Variants in GXYLT2 observed in about 807,000 individuals in gnomAD.
GXYLT2 encodes the protein glucoside xylosyltransferase 2.
Under a neutral mutation model 45.8 loss-of-function variants are expected in GXYLT2, and 53 were observed. The observed-to-expected ratio is 1.16, with a 90% CI of 0.93 to 1.46. The LOEUF (loss-of-function observed/expected upper bound fraction) is 1.46. GXYLT2 is among the 40% of genes most tolerant of loss of function. GXYLT2 has a pLI of 0.00. For synonymous variants in GXYLT2, 219 were observed against 214.2 expected (o/e 1.02, Z -0.19); for missense variants, 551 against 544.4 (o/e 1.01, Z -0.12).
Position 72,976,132 on chromosome 3 carries a change from A to T in GXYLT2, c.*973A>T, listed in dbSNP as rs986878083. 5 of 151,838 alleles carry T rather than the reference A, an allele frequency of 3.3e-5. No individual in the cohort carries two copies. The highest frequency in any genetic ancestry group is 1.2e-4 in the African/African-American group (5 of 41,304). The allele number at this position is 151,838 out of a possible 1,614,324, so 9.4% of individuals were successfully genotyped here. ...TTTTTAGTAGAGACACGGTTTTACC[A>T]TGTTGGCCAGGCTGGTCTTGATCTC... On this transcript the variant is annotated 3_prime_UTR_variant, in exon 7 of 7. Coordinates refer to ENST00000389617, the MANE Select transcript of GXYLT2 (RefSeq NM_001080393.2).
rs962234400 is a variant in GXYLT2, at chr3:72,930,940, C to T, written c.600+8605C>T. On this transcript the variant is annotated intron_variant, in intron 3 of 6. Transcript: ENST00000389617. ...TGAACAACTAGGCTGAATGTCAACA[C>T]GGAAATAGAAGAACAACACCATAAA... Among the ~76,000 whole-genome samples, 9 of 152,208 alleles carry T rather than the reference C, an allele frequency of 5.9e-5. No individual in the cohort carries two copies. In the South Asian group the frequency reaches 8.3e-4, roughly 14 times the overall value.
chr3:72,939,433 AAAC>A (rs770626730), intron 3 of GXYLT2, among the ~76,000 whole-genome samples: 10 of 151,972 alleles, frequency 6.6e-5, no homozygotes, highest in African/African-American at 1.5e-4. Flanking sequence ...AGACTTTCAA[AAAC>A]AACAACAACT....
intron 3 of GXYLT2, among the ~76,000 whole-genome samples, chr3:72,953,854 G>A (rs1277004449): frequency 1.3e-5 from 2 of 152,262 alleles, no homozygotes; most frequent in East Asian, 1.9e-4. Context: ...AGCACTTTGG[G>A]AGGCCAGGGT....
At chr3:72,948,835 CAAA>C (rs1234193329) in intron 3 of GXYLT2, among the ~76,000 whole-genome samples, 3 of 74,938 alleles carry the variant, frequency 4.0e-5, no homozygotes. Flanking sequence ...GATTCTGTCT[CAAA>C]AAAAAAAAAA....
At chr3:72,904,532 G>A (rs1709467422) in intron 1 of GXYLT2, among the ~76,000 whole-genome samples, 1 of 151,954 alleles carries the variant, frequency 6.6e-6, no homozygotes, top group Non-Finnish European at 1.5e-5. Context: ...GTGAATGATT[G>A]TCGTCCCTAG....
intron 6 of GXYLT2, among the ~76,000 whole-genome samples, chr3:72,973,371 A>G (rs1711034668): frequency 6.6e-6 from 1 of 152,134 alleles, no homozygotes; most frequent in African/African-American, 2.4e-5. Flanking sequence ...GAATGGCCAG[A>G]TAAGAGGAGA....
In GXYLT2 at chr3:72,957,233, G is replaced by T; in HGVS notation, c.857G>T (p.Ser286Ile). 1 of 1,610,426 alleles carries T rather than the reference G, an allele frequency of 6.2e-7. No homozygotes were observed. The highest frequency in any genetic ancestry group is 8.5e-7 in the Non-Finnish European group (1 of 1,178,750). ...TGATGGTTTTCTTTTTTCCAGAACA[G>T]CATGATTCCAACAGGCCTGGCTTGG... ...TRIRSTQFKN[S>I]MIPTGLAWED... The change falls in exon 5 of 7, where the codon AGC (serine) becomes ATC (isoleucine). Residue 286 changes from serine to isoleucine, a missense_variant. Physicochemically the swap from Ser to Ile is moderately radical, Grantham distance 142. Transcript: ENST00000389617.
At chr3:72,925,311 A>G (rs1270244344) in intron 3 of GXYLT2, among the ~76,000 whole-genome samples, 2 of 151,724 alleles carry the variant, frequency 1.3e-5, no homozygotes, top group Non-Finnish European at 1.5e-5. Context: ...GCATACCACC[A>G]TGCCCCGCTA....
intron 6 of GXYLT2, among the ~76,000 whole-genome samples, chr3:72,970,302 G>A (rs1256399341): frequency 6.6e-6 from 1 of 151,914 alleles, no homozygotes; most frequent in Non-Finnish European, 1.5e-5. Context: ...AGTGAGTCTT[G>A]ATTGCACTAC....
At chr3:72,965,790 G>T (rs1031991841) in intron 5 of GXYLT2, among the ~76,000 whole-genome samples, 1 of 152,184 alleles carries the variant, frequency 6.6e-6, no homozygotes, top group Non-Finnish European at 1.5e-5. Flanking sequence ...TGGCCCTGGG[G>T]TAGAGGAGTA....
intron 6 of GXYLT2, among the ~76,000 whole-genome samples, chr3:72,971,833 C>G (rs1258696439): frequency 7.6e-6 from 1 of 131,322 alleles, no homozygotes; most frequent in Non-Finnish European, 1.8e-5. Flanking sequence ...CCTGTAATCC[C>G]AGCTACTTGG....
chr3:72,972,438 C>T lies in GXYLT2; in HGVS notation c.1150-2539C>T, dbSNP rs1036541185. 9.2e-5 allele frequency among the ~76,000 whole-genome samples: 14 copies of T among 151,798 alleles called. No individual in the cohort carries two copies. The South Asian group carries it at 2.7e-3, about 29-fold the overall frequency. On this transcript the variant is annotated intron_variant, in intron 6 of 6. Coordinates refer to ENST00000389617, the MANE Select transcript of GXYLT2 (RefSeq NM_001080393.2). Reference sequence around the variant, plus strand: ...GGTGGATCACCTGAGGTCATGAGTTCGAGACCAGCCTGGCCAACATGGTGA... The same window carrying T: ...GGTGGATCACCTGAGGTCATGAGTTTGAGACCAGCCTGGCCAACATGGTGA...
chr3:72,900,149 T>G (rs1438626284), intron 1 of GXYLT2, among the ~76,000 whole-genome samples: 1 of 152,320 alleles, frequency 6.6e-6, no homozygotes, highest in East Asian at 1.9e-4. Flanking sequence ...GGCTACAAAG[T>G]AAATAGCACT....
At chr3:72,890,765 G>T (rs1709167720) in intron 1 of GXYLT2, among the ~76,000 whole-genome samples, 1 of 152,162 alleles carries the variant, frequency 6.6e-6, no homozygotes, top group African/African-American at 2.4e-5. Flanking sequence ...TTTTAGGGAA[G>T]GAGTGTTTCT....
rs554339120 is a variant in GXYLT2, at chr3:72,904,585, G to A, written c.276-3782G>A. Among the ~76,000 whole-genome samples, 160 of 151,542 alleles carry A rather than the reference G, an allele frequency of 1.1e-3. 1 individual carries two copies. Among genetic ancestry groups the A allele is most frequent in the Non-Finnish European group, 1.6e-3 (109 of 67,934 alleles). ...GTGCAGACCCAAATCACTGAAGCCT[G>A]CAAAGAAGAGAAGAGGTGGCCTGCT... On this transcript the variant is annotated intron_variant, in intron 1 of 6. Transcript: ENST00000389617.
At chr3:72,930,495 C>T (rs1710007577) in intron 3 of GXYLT2, among the ~76,000 whole-genome samples, 1 of 111,950 alleles carries the variant, frequency 8.9e-6, no homozygotes. Flanking sequence ...GGAGTGAAAC[C>T]CTGTCTCAAA....
chr3:72,927,690 A>G (rs1008685845), intron 3 of GXYLT2, among the ~76,000 whole-genome samples: 1 of 152,224 alleles, frequency 6.6e-6, no homozygotes, highest in Admixed American at 6.5e-5. Context: ...GGGAACACCA[A>G]TTAGAATCAC....
At chr3:72,915,366 G>A (rs375193630) in intron 2 of GXYLT2, among the ~76,000 whole-genome samples, 5 of 130,138 alleles carry the variant, frequency 3.8e-5, no homozygotes, top group East Asian at 5.2e-4. Flanking sequence ...CGGGGGGGGG[G>A]GGGATTTAGG....
intron 1 of GXYLT2, among the ~76,000 whole-genome samples, chr3:72,892,191 A>G (rs1275413676): frequency 6.6e-6 from 1 of 152,262 alleles, no homozygotes; most frequent in Non-Finnish European, 1.5e-5. Flanking sequence ...TGATGATCCT[A>G]TGATGAGATC....
Sources: allele counts gnomAD v4.1 joint callset (sites outside exome capture counted in the v4.1 genomes callset), GRCh38; gene constraint gnomAD v4.1.1; transcripts MANE v1.5; gene names NCBI Gene and HGNC (gene_info 2026-07-23, HGNC 2026-07-21).